NCKAP5: variants seen among roughly 807,000 people sequenced by gnomAD.
The protein encoded by NCKAP5 is nck-associated protein 5.
In NCKAP5, 92 loss-of-function variants were observed where a neutral mutation model predicts 167.0. The ratio of observed to expected loss-of-function variants is 0.55; its 90% CI spans 0.47 to 0.66. The LOEUF is 0.66. NCKAP5 is among the 30% of genes least tolerant of loss of function. NCKAP5 has a pLI of 0.00. For missense variants in NCKAP5, 2,378 were observed against 2,315.0 expected (o/e 1.03, Z -0.56); for synonymous variants, 891 against 877.4 (o/e 1.02, Z -0.27).
chr2:132,817,311 G>A (rs1194955806), intron 11 of NCKAP5, among the ~76,000 whole-genome samples: 1 of 152,164 alleles, frequency 6.6e-6, no homozygotes. Context: ...GGAATCTACA[G>A]ATGAATTTCC....
At chr2:133,168,748 A>T (rs2084112048) in intron 5 of NCKAP5, among the ~76,000 whole-genome samples, 1 of 152,188 alleles carries the variant, frequency 6.6e-6, no homozygotes, top group South Asian at 2.1e-4. Context: ...CATATTTAAA[A>T]TTCGCTTCAA....
intron 16 of NCKAP5, among the ~76,000 whole-genome samples, chr2:132,751,964 G>A (rs1039597758): frequency 1.3e-5 from 2 of 152,244 alleles, no homozygotes; most frequent in African/African-American, 4.8e-5. Flanking sequence ...TTCCCTGGCA[G>A]ACCAGTCTTC....
At chr2:132,712,002 G>T (rs926595528) in intron 19 of NCKAP5, among the ~76,000 whole-genome samples, 7 of 152,314 alleles carry the variant, frequency 4.6e-5, no homozygotes, top group South Asian at 2.1e-4. Context: ...ACAGACTCAG[G>T]TTTACAAATC....
At chr2:133,121,325 G>A (rs1044545706) in intron 6 of NCKAP5, among the ~76,000 whole-genome samples, 4 of 152,100 alleles carry the variant, frequency 2.6e-5, no homozygotes, top group Admixed American at 6.6e-5. Flanking sequence ...AGACTAAACT[G>A]AAGGGTCTGG....
intron 3 of NCKAP5, among the ~76,000 whole-genome samples, chr2:133,484,266 G>A (rs1344815322): frequency 6.6e-6 from 1 of 152,084 alleles, no homozygotes; most frequent in African/African-American, 2.4e-5. Context: ...AACTGGAGAG[G>A]ACCAGCAGAA....
At chr2:133,397,518 T>C (rs1441030656) in intron 3 of NCKAP5, among the ~76,000 whole-genome samples, 1 of 152,222 alleles carries the variant, frequency 6.6e-6, no homozygotes, top group African/African-American at 2.4e-5. Flanking sequence ...ATTGACCTGG[T>C]GTCCACTGTC....
At chr2:133,142,118 G>A (rs1403225370) in intron 5 of NCKAP5, among the ~76,000 whole-genome samples, 2 of 152,122 alleles carry the variant, frequency 1.3e-5, no homozygotes, top group African/African-American at 4.8e-5. Context: ...ACCTATAAAT[G>A]AGCTGAGTGA....
At chr2:133,614,701 C>T in the NCKAP5 span, among the ~76,000 whole-genome samples, 21 of 152,198 alleles carry the variant, frequency 1.4e-4, no homozygotes, top group East Asian at 9.7e-4. Flanking sequence ...ACGGGGAGAA[C>T]GGAACCAAGT....
chr2:133,450,833 A>G (rs970776557), intron 3 of NCKAP5, among the ~76,000 whole-genome samples: 1 of 152,216 alleles, frequency 6.6e-6, no homozygotes, highest in Non-Finnish European at 1.5e-5. Flanking sequence ...ATTAGTATCC[A>G]GACTACAGTT....
At chr2:132,749,740 T>TG (rs1243262223) in intron 16 of NCKAP5, among the ~76,000 whole-genome samples, 1 of 151,384 alleles carries the variant, frequency 6.6e-6, no homozygotes, top group African/African-American at 2.4e-5. Flanking sequence ...ACAAAATACA[T>TG]GGGGGAAAAA....
the NCKAP5 span, among the ~76,000 whole-genome samples, chr2:133,582,566 G>A: frequency 5.9e-5 from 9 of 152,146 alleles, no homozygotes; most frequent in Non-Finnish European, 1.0e-4. Flanking sequence ...GTAGTAATCA[G>A]TGCTTTGCTG....
intron 2 of NCKAP5, among the ~76,000 whole-genome samples, chr2:133,556,053 A>T (rs1011917304): frequency 2.6e-5 from 4 of 152,232 alleles, no homozygotes; most frequent in Admixed American, 6.5e-5. Flanking sequence ...AATTAGATAA[A>T]GTACACAAAA....
chr2:132,763,889 T>A (rs1180899870), intron 16 of NCKAP5, among the ~76,000 whole-genome samples: 1 of 152,190 alleles, frequency 6.6e-6, no homozygotes, highest in Non-Finnish European at 1.5e-5. Flanking sequence ...GCCCCGAAGC[T>A]GATACAGGGC....
At chr2:132,929,120 AG>A (rs1235949977) in intron 8 of NCKAP5, among the ~76,000 whole-genome samples, 3 of 152,222 alleles carry the variant, frequency 2.0e-5, no homozygotes, top group Non-Finnish European at 4.4e-5. Context: ...ACAGCAAGCA[AG>A]AAGGCAGAAC....
chr2:133,028,379 T>C (rs2078765238), intron 6 of NCKAP5, among the ~76,000 whole-genome samples: 2 of 152,202 alleles, frequency 1.3e-5, no homozygotes, highest in African/African-American at 2.4e-5. Context: ...TCATTTAGAA[T>C]AATCACTATA....
chr2:132,830,153 C>T (rs1687418446), intron 11 of NCKAP5, among the ~76,000 whole-genome samples: 1 of 152,178 alleles, frequency 6.6e-6, no homozygotes, highest in Non-Finnish European at 1.5e-5. Context: ...CTTCCTTTCT[C>T]CATCCTCTAA....
intron 19 of NCKAP5, among the ~76,000 whole-genome samples, chr2:132,694,757 A>T (rs905743596): frequency 6.6e-5 from 10 of 152,196 alleles, no homozygotes; most frequent in Non-Finnish European, 1.0e-4. Flanking sequence ...GCTTTTCCTA[A>T]AATGAAGTAA....
At chr2:133,365,365 C>A (rs1383059149) in intron 3 of NCKAP5, among the ~76,000 whole-genome samples, 2 of 152,086 alleles carry the variant, frequency 1.3e-5, no homozygotes, top group East Asian at 3.9e-4. Context: ...ATCTCTGAGC[C>A]CCATATGACA....
At chr2:133,169,899 G>GGGA (rs1246154044) in intron 5 of NCKAP5, among the ~76,000 whole-genome samples, 1 of 152,144 alleles carries the variant, frequency 6.6e-6, no homozygotes. Context: ...AGGCATCCCT[G>GGGA]TGCCACTTAG....
Sources: allele counts gnomAD v4.1 joint callset (sites outside exome capture counted in the v4.1 genomes callset), GRCh38; gene constraint gnomAD v4.1.1; transcripts MANE v1.5; gene names NCBI Gene and HGNC (gene_info 2026-07-23, HGNC 2026-07-21).